PDE4D: variants seen among roughly 807,000 people sequenced by gnomAD.
The protein encoded by PDE4D is phosphodiesterase 4D.
Under a neutral mutation model 87.4 loss-of-function variants are expected in PDE4D, and 24 were observed. The observed-to-expected ratio is 0.27, with a 90% confidence interval of 0.20 to 0.39. The LOEUF is 0.39. Ranked by LOEUF, PDE4D falls within the 10% of genes least tolerant of loss-of-function variation. The pLI is 1.00. For missense variants in PDE4D, 714 were observed against 1,041.0 expected (o/e 0.69, Z 4.32); for synonymous variants, 384 against 383.2 (o/e 1.00, Z -0.02).
chr5:59,261,306 GC>G (rs1761970785), intron 1 of PDE4D, among the ~76,000 whole-genome samples: 1 of 151,704 alleles, frequency 6.6e-6, no homozygotes, highest in Admixed American at 6.6e-5. Context: ...TGATGTAATG[GC>G]CTTACTTATT....
At chr5:60,334,982 C>T (rs915159445) in intron 1 of PDE4D, 4 of 152,098 alleles carry the variant, frequency 2.6e-5, no homozygotes, top group Non-Finnish European at 4.4e-5. Context: ...GTCCCAGTCT[C>T]CTATATATAG....
chr5:59,421,194 A>T (rs1794434341), intron 1 of PDE4D, among the ~76,000 whole-genome samples: 1 of 152,234 alleles, frequency 6.6e-6, no homozygotes, highest in African/African-American at 2.4e-5. Context: ...AAAATTAGGC[A>T]AATTCATTGT....
chr5:60,428,477 C>T (rs1317298301), intron 1 of PDE4D, among the ~76,000 whole-genome samples: 1 of 152,108 alleles, frequency 6.6e-6, no homozygotes, highest in African/African-American at 2.4e-5. Context: ...TGAGAGGCTA[C>T]TATACTGATG....
At position 59,335,874 on chromosome 5, in the gene PDE4D, G is replaced by T. The variant is rs536822233; in HGVS notation, c.456-119906C>A. ...GTTCCTAAGGCACTCCCAGCCATTT[G>T]GAATAACTATGGCTTGGAAATTTTC... On this transcript the variant is annotated intron_variant, in intron 1 of 14. Transcript: ENST00000340635. Among the ~76,000 whole-genome samples the T allele has an allele frequency of 2.0e-3, 308 of 152,246 alleles. 3 individuals carry two copies. Among genetic ancestry groups the T allele is most frequent in the African/African-American group, 7.1e-3 (294 of 41,546 alleles).
At chr5:60,480,404 ATTAAT>A (rs2150214392) in intron 1 of PDE4D, among the ~76,000 whole-genome samples, 1 of 152,248 alleles carries the variant, frequency 6.6e-6, no homozygotes, top group South Asian at 2.1e-4. Flanking sequence ...TTTTACGTAT[ATTAAT>A]TTACTTAATC....
At chr5:59,202,545 T>TC (rs1747730998) in intron 2 of PDE4D, among the ~76,000 whole-genome samples, 1 of 142,588 alleles carries the variant, frequency 7.0e-6, no homozygotes, top group African/African-American at 2.6e-5. Context: ...CAGGTTAGAA[T>TC]TTTTTTTTTT....
chr5:59,076,230 C>T (rs952455300), intron 5 of PDE4D, among the ~76,000 whole-genome samples: 1 of 152,076 alleles, frequency 6.6e-6, no homozygotes, highest in Non-Finnish European at 1.5e-5. Flanking sequence ...GGAAAAACAA[C>T]AGTTTTTTAC....
At chr5:59,130,606 A>G (rs182626497) in intron 5 of PDE4D, among the ~76,000 whole-genome samples, 1 of 152,354 alleles carries the variant, frequency 6.6e-6, no homozygotes, top group East Asian at 1.9e-4. Flanking sequence ...GTGAAACTGG[A>G]GTGGTCTGCG....
At chr5:59,989,226 T>C (rs1762771392) in intron 2 of PDE4D, among the ~76,000 whole-genome samples, 1 of 151,176 alleles carries the variant, frequency 6.6e-6, no homozygotes, top group African/African-American at 2.4e-5. Context: ...CAAACCTAGA[T>C]GGTACATTGT....
intron 3 of PDE4D, among the ~76,000 whole-genome samples, chr5:59,972,655 G>A (rs1424109828): frequency 2.0e-5 from 3 of 152,120 alleles, no homozygotes; most frequent in Admixed American, 2.0e-4. Context: ...TGGAAAATAA[G>A]GCTGTAAATG....
chr5:59,628,088 C>T (rs992859226), intron 1 of PDE4D, among the ~76,000 whole-genome samples: 8 of 152,330 alleles, frequency 5.3e-5, no homozygotes, highest in African/African-American at 1.9e-4. Flanking sequence ...ATTGCTGCCA[C>T]AGAATTCACT....
chr5:59,699,906 A>C (rs1186748030), intron 1 of PDE4D, among the ~76,000 whole-genome samples: 1 of 152,142 alleles, frequency 6.6e-6, no homozygotes, highest in Non-Finnish European at 1.5e-5. Context: ...TAGATAGTCT[A>C]CCTCCTAAGA....
rs1223335929 is a variant in PDE4D at position 58,969,949 on chromosome 5, A to G, written c.*4715T>C. 1 of 152,162 alleles carries G rather than the reference A, an allele frequency of 6.6e-6. No homozygotes were observed. Among genetic ancestry groups the G allele is most frequent in the African/African-American group, 2.4e-5 (1 of 41,436 alleles). 9.4% of individuals were successfully genotyped at this position (152,162 alleles called of 1,614,324 possible). A position where few individuals can be genotyped will look rare whatever the true frequency, so the allele number is the denominator to read the frequency against. On this transcript the variant is annotated 3_prime_UTR_variant, in exon 15 of 15. Transcript: ENST00000340635. ...TTGGCTTTATTTGGTTATGAATATC[A>G]GTACTAACTTATGATGTCACTATCC... is the stretch of plus-strand genomic sequence containing the variant.
At chr5:59,747,432 A>G (rs1218904335) in intron 1 of PDE4D, among the ~76,000 whole-genome samples, 1 of 152,152 alleles carries the variant, frequency 6.6e-6, no homozygotes, top group Admixed American at 6.5e-5. Flanking sequence ...GTTGTGGCCT[A>G]AGCAGTCAAT....
intron 2 of PDE4D, among the ~76,000 whole-genome samples, chr5:60,167,454 G>A (rs1783031663): frequency 6.6e-6 from 1 of 151,568 alleles, no homozygotes; most frequent in Non-Finnish European, 1.5e-5. Flanking sequence ...ATTTTTAGTA[G>A]AGACGGGGTT....
chr5:59,645,099 C>T (rs1428124331), intron 1 of PDE4D, among the ~76,000 whole-genome samples: 2 of 152,176 alleles, frequency 1.3e-5, no homozygotes, highest in Non-Finnish European at 2.9e-5. Context: ...AGAAATACCC[C>T]TTGAGAAATG....
intron 1 of PDE4D, among the ~76,000 whole-genome samples, chr5:59,340,712 A>G (rs13356883): frequency 0.051 from 7,779 of 152,202 alleles, 291 homozygotes; most frequent in South Asian, 0.15. Context: ...TCTGATAACC[A>G]TCTTTCCACT....
At chr5:59,188,896 A>G (rs1309448133) in intron 3 of PDE4D, among the ~76,000 whole-genome samples, 4 of 152,218 alleles carry the variant, frequency 2.6e-5, no homozygotes, top group Non-Finnish European at 5.9e-5. Context: ...TTAGATGTCC[A>G]GAAGATAGTA....
intron 5 of PDE4D, among the ~76,000 whole-genome samples, chr5:59,123,222 C>G (rs536249493): frequency 2.0e-5 from 3 of 152,290 alleles, no homozygotes; most frequent in Admixed American, 6.5e-5. Context: ...AGCCCTGCCT[C>G]TATGCCTGAA....
Sources: allele counts gnomAD v4.1 joint callset (sites outside exome capture counted in the v4.1 genomes callset), GRCh38; gene constraint gnomAD v4.1.1; transcripts MANE v1.5; gene names NCBI Gene and HGNC (gene_info 2026-07-23, HGNC 2026-07-21).